The following ZFHX3 variants were observed in gnomAD, a reference collection of about 807,000 sequenced individuals.
The protein encoded by ZFHX3 is zinc finger homeobox protein 3.
In ZFHX3, 42 loss-of-function variants were observed where a neutral mutation model predicts 279.1. The observed-to-expected ratio is 0.15, with a 90% CI of 0.12 to 0.19. The LOEUF (loss-of-function observed/expected upper bound fraction) is 0.19. Ranked by LOEUF, ZFHX3 falls within the 10% of genes least tolerant of loss-of-function variation. The pLI is 1.00. For missense variants in ZFHX3, 4,981 were observed against 4,754.0 expected (o/e 1.05, Z -1.40); for synonymous variants, 2,293 against 1,957.8 (o/e 1.17, Z -4.52).
chr16:73,855,195 T>C (rs1050491090), intron 1 of ZFHX3, among the ~76,000 whole-genome samples: 3 of 151,942 alleles, frequency 2.0e-5, no homozygotes, highest in African/African-American at 4.8e-5. Context: ...CAGAGATTGT[T>C]TGCATTAATA....
chr16:73,772,184 A>G (rs2142293500), intron 1 of ZFHX3, among the ~76,000 whole-genome samples: 1 of 152,304 alleles, frequency 6.6e-6, no homozygotes, highest in East Asian at 1.9e-4. Flanking sequence ...TGCTGTGTGT[A>G]CTAGTCTGTT....
At chr16:73,668,727 A>C (rs1026257656) in intron 2 of ZFHX3, among the ~76,000 whole-genome samples, 5 of 152,150 alleles carry the variant, frequency 3.3e-5, no homozygotes, top group African/African-American at 7.2e-5. Flanking sequence ...CAAGAAAAAA[A>C]CAACCCCATC....
intron 8 of ZFHX3, among the ~76,000 whole-genome samples, chr16:73,085,884 T>G (rs1052186280): frequency 7.0e-6 from 1 of 142,638 alleles, no homozygotes; most frequent in African/African-American, 2.6e-5. Flanking sequence ...ATTAGCAAAG[T>G]GAAAAAACAA....
chr16:73,792,352 A>T (rs1194312263), intron 1 of ZFHX3, among the ~76,000 whole-genome samples: 1 of 152,210 alleles, frequency 6.6e-6, no homozygotes, highest in Non-Finnish European at 1.5e-5. Flanking sequence ...AGCACGCCAA[A>T]AGAAGTGCCA....
chr16:73,573,963 C>A (rs1345033793), intron 2 of ZFHX3, among the ~76,000 whole-genome samples: 2 of 152,198 alleles, frequency 1.3e-5, no homozygotes, highest in African/African-American at 4.8e-5. Flanking sequence ...CCTGTATCCT[C>A]TCTTTCTTCC....
intron 4 of ZFHX3, among the ~76,000 whole-genome samples, chr16:72,868,506 C>T (rs2038078503): frequency 6.6e-6 from 1 of 152,200 alleles, no homozygotes; most frequent in African/African-American, 2.4e-5. Context: ...CCAGTCTTAC[C>T]CTCTAAAACA....
At chr16:73,098,934 T>C (rs1193814571) in intron 7 of ZFHX3, 1 of 152,200 alleles carries the variant, frequency 6.6e-6, no homozygotes, top group Non-Finnish European at 1.5e-5. Context: ...TTCTCAGGTA[T>C]GCTAAAGAAC....
At chr16:73,003,509 G>A (rs1963573108) in intron 1 of ZFHX3, among the ~76,000 whole-genome samples, 1 of 107,850 alleles carries the variant, frequency 9.3e-6, no homozygotes, top group Non-Finnish European at 2.0e-5. Context: ...CCAACATGGT[G>A]AGACCCCCCC....
chr16:72,962,931 T>C (rs1266702635), intron 1 of ZFHX3, among the ~76,000 whole-genome samples: 2 of 151,900 alleles, frequency 1.3e-5, no homozygotes, highest in Non-Finnish European at 2.9e-5. Context: ...CGCCACATCC[T>C]GTGGCTCAAG....
chr16:73,672,360 C>T (rs1011143056), intron 2 of ZFHX3, among the ~76,000 whole-genome samples: 2 of 152,086 alleles, frequency 1.3e-5, no homozygotes, highest in African/African-American at 4.8e-5. Context: ...TGAAGACTTC[C>T]GTGTTACCAT....
intron 7 of ZFHX3, among the ~76,000 whole-genome samples, chr16:73,113,793 CTT>C (rs71391487): frequency 3.9e-5 from 4 of 103,004 alleles, no homozygotes; most frequent in African/African-American, 7.5e-5. Flanking sequence ...TTTTTGGAAA[CTT>C]TTTTTTTTTT....
rs747445913 is a variant in ZFHX3, at chr16:73,459,555, A to G, written c.-1546-3297T>C. ...TTTTGTAAATTTTTTTTAAGTAGAG[A>G]TGGGGTTTCACCATGTTGGCCAGGC... On this transcript the variant is annotated intron_variant, in intron 2 of 17. Coordinates refer to the ZFHX3 transcript ENST00000641206. 6.8e-4 allele frequency among the ~76,000 whole-genome samples: 104 copies of G among 151,888 alleles called. 1 individual carries two copies. The highest frequency in any genetic ancestry group is 3.5e-4 in the Non-Finnish European group (24 of 67,998).
intron 2 of ZFHX3, among the ~76,000 whole-genome samples, chr16:73,530,975 A>G (rs1362685444): frequency 6.6e-6 from 1 of 152,214 alleles, no homozygotes; most frequent in Non-Finnish European, 1.5e-5. Flanking sequence ...TGAAAACCTA[A>G]AAGTTGTTTT....
At chr16:73,358,337 A>G (rs1246922678) in intron 3 of ZFHX3, among the ~76,000 whole-genome samples, 1 of 152,196 alleles carries the variant, frequency 6.6e-6, no homozygotes, top group Non-Finnish European at 1.5e-5. Flanking sequence ...AGCGGCCTCC[A>G]TGCTCTCTCC....
intron 4 of ZFHX3, among the ~76,000 whole-genome samples, chr16:73,289,953 G>T (rs6564367): frequency 0.43 from 65,117 of 151,768 alleles, 14,999 homozygotes; most frequent in East Asian, 0.66. Flanking sequence ...TGGTTTCTGA[G>T]CCTCAATTCC....
chr16:73,764,410 C>G (rs1429400384), intron 1 of ZFHX3, among the ~76,000 whole-genome samples: 1 of 152,140 alleles, frequency 6.6e-6, no homozygotes, highest in African/African-American at 2.4e-5. Flanking sequence ...ACCTGCCAGG[C>G]TCTCTAACGT....
At chr16:72,867,328 G>A (rs1202982018) in intron 4 of ZFHX3, among the ~76,000 whole-genome samples, 1 of 152,216 alleles carries the variant, frequency 6.6e-6, no homozygotes, top group Non-Finnish European at 1.5e-5. Context: ...CACTCGCAGA[G>A]CAGAACTCTG....
intron 2 of ZFHX3, among the ~76,000 whole-genome samples, chr16:73,644,813 C>T (rs1040862349): frequency 2.6e-5 from 4 of 152,108 alleles, no homozygotes; most frequent in Non-Finnish European, 4.4e-5. Context: ...GTGTGTTCTG[C>T]GGCACCTCAC....
chr16:72,958,677 C>A lies in ZFHX3; in HGVS notation c.1469G>T (p.Gly490Val). The A allele has an allele frequency of 6.2e-7, 1 of 1,611,186 alleles. No homozygotes were observed. The highest frequency in any genetic ancestry group is 1.3e-5 in the African/African-American group (1 of 74,926). Residue 490 changes from glycine to valine, a missense_variant, in exon 2 of 10, where the codon GGT becomes GTT. By Grantham distance (109) the Gly-to-Val change is moderately radical. Transcript: ENST00000268489. ...CTCGCTTGGAAAGAGTCCTTTGCAA[C>A]CCTCGTCTTCCTCCTCCTCTTCTTC... ...EEEEEEEEDE[G>V]CKGLFPSELD...
Sources: allele counts gnomAD v4.1 joint callset (sites outside exome capture counted in the v4.1 genomes callset), GRCh38; gene constraint gnomAD v4.1.1; transcripts MANE v1.5; gene names NCBI Gene and HGNC (gene_info 2026-07-23, HGNC 2026-07-21).